ZDHHC19: variants seen among roughly 807,000 people sequenced by gnomAD.
The protein encoded by ZDHHC19 is palmitoyltransferase ZDHHC19.
In ZDHHC19, 30 loss-of-function variants were observed where a neutral mutation model predicts 33.9. The observed-to-expected ratio is 0.88, with a 90% CI of 0.66 to 1.20. ZDHHC19 has a LOEUF of 1.20. Ranked by LOEUF, ZDHHC19 falls within the 50% of genes most tolerant of loss-of-function variation. The pLI, the probability that ZDHHC19 is intolerant of heterozygous loss-of-function variation, is 0.00. For synonymous variants in ZDHHC19, 178 were observed against 167.6 expected (o/e 1.06, Z -0.48); for missense variants, 364 against 401.1 (o/e 0.91, Z 0.79).
chr3:196,201,907 G>A (rs1369912108), intron 5 of ZDHHC19, among the ~76,000 whole-genome samples: 3 of 151,256 alleles, frequency 2.0e-5, no homozygotes, highest in East Asian at 2.0e-4. Flanking sequence ...CCCATTCCCC[G>A]CCAGGGATCA....
intron 5 of ZDHHC19, among the ~76,000 whole-genome samples, chr3:196,204,143 T>C (rs1460224608): frequency 1.3e-5 from 2 of 152,166 alleles, no homozygotes; most frequent in African/African-American, 2.4e-5. Context: ...GGATTTCCTA[T>C]GTAGAATCAA....
intron 5 of ZDHHC19, chr3:196,199,738 G>GT (rs1244017437): frequency 6.5e-6 from 1 of 153,540 alleles, no homozygotes; most frequent in African/African-American, 2.4e-5. Context: ...GAGGTCAGGA[G>GT]TTTGAGACCA....
Position 196,211,229 on chromosome 3 carries a change from G to A in ZDHHC19, c.87C>T (p.Leu29=). 6.2e-7 allele frequency: 1 copy of A among 1,614,174 alleles called. No homozygotes were observed. Among genetic ancestry groups the A allele is most frequent in the Non-Finnish European group, 8.5e-7 (1 of 1,180,018 alleles). ...GCAGCACCACATTGAAGGCAGCAAA[G>A]AGGCTAGGGAGGAACCAGGGACGTG... ...LVPRPWFLPS[L]FAAFNVVLLV... The change falls in exon 1 of 8, where the codon CTC becomes CTT. Residue 29 remains leucine, a synonymous_variant. Coordinates refer to ENST00000296326, the MANE Select transcript of ZDHHC19 (RefSeq NM_001039617.2).
At position 196,203,023 on chromosome 3, in the gene ZDHHC19, G is replaced by C. The variant is rs1427685965; in HGVS notation, c.688-4149C>G. ...GCCTGTAATCCCAGCACTTTGGGAG[G>C]CCGAGGCGAGTGGCTCACCTGAGGT... is the stretch of plus-strand genomic sequence containing the variant. On this transcript the variant is annotated intron_variant, in intron 5 of 7. Transcript: ENST00000296326. The surrounding 1 kb of genome is among the most constrained non-coding windows in gnomAD (Gnocchi z 4.3). Among the ~76,000 whole-genome samples the C allele has an allele frequency of 2.0e-5, 3 of 152,148 alleles. No homozygotes were observed. Among genetic ancestry groups the C allele is most frequent in the African/African-American group, 7.2e-5 (3 of 41,418 alleles).
At chr3:196,200,378 G>A (rs1442479339) in intron 5 of ZDHHC19, among the ~76,000 whole-genome samples, 1 of 127,990 alleles carries the variant, frequency 7.8e-6, no homozygotes, top group Non-Finnish European at 1.6e-5. Flanking sequence ...TTTTTGAGAT[G>A]GAGTCTTGCT....
rs905427007 is a variant in ZDHHC19 at position 196,208,178 on chromosome 3, C to T, written c.581+210G>A. On this transcript the variant is annotated intron_variant, in intron 4 of 7. Transcript: ENST00000296326. The stretch of plus-strand genomic sequence containing the variant: ...CCTCCCAAAGTGCCGGAATTACAGG[C>T]GTGAGCCACCGCGCCGGCCCGGGGG... Among the ~76,000 whole-genome samples, 163 of 152,166 alleles carry T rather than the reference C, an allele frequency of 1.1e-3. 1 individual carries two copies. The highest frequency in any genetic ancestry group is 1.7e-3 in the Admixed American group (26 of 15,298).
chr3:196,210,422 G>GAAAA (rs1723185488), intron 2 of ZDHHC19, among the ~76,000 whole-genome samples, 194 bp downstream of exon 2: 1 of 59,238 alleles, frequency 1.7e-5, no homozygotes, highest in Non-Finnish European at 3.1e-5. Flanking sequence ...AGGAAGGAAG[G>GAAAA]AAAGAAAGAA....
intron 2 of ZDHHC19, among the ~76,000 whole-genome samples, chr3:196,210,229 G>C: frequency 7.5e-6 from 1 of 133,236 alleles, no homozygotes; most frequent in African/African-American, 3.1e-5. Context: ...AAGAAGAAAG[G>C]AAAGAAGGAA....
In ZDHHC19 at chr3:196,203,064, AGCCTGGCCAACAT is replaced by A. The variant is rs1722485968; in HGVS notation, c.688-4203_688-4191del. Among the ~76,000 whole-genome samples the A allele has an allele frequency of 6.6e-6, 1 of 152,086 alleles. No individual in the cohort carries two copies. Among genetic ancestry groups the A allele is most frequent in the African/African-American group, 2.4e-5 (1 of 41,404 alleles). Reference sequence around the variant, plus strand: ...CACCTGAGGTCAGGAGTTCGAGACCAGCCTGGCCAACATGGTGAAACCCCGTCTCTACTAAAAA... The same window carrying A: ...CACCTGAGGTCAGGAGTTCGAGACCAGGTGAAACCCCGTCTCTACTAAAAA... On this transcript the variant is annotated intron_variant, in intron 5 of 7. Transcript: ENST00000296326. The surrounding 1 kb of genome is among the most constrained non-coding windows in gnomAD (Gnocchi z 4.3).
chr3:196,210,297 GGAAA>G (rs1423632184), intron 2 of ZDHHC19, among the ~76,000 whole-genome samples: 1 of 116,062 alleles, frequency 8.6e-6, no homozygotes, highest in African/African-American at 4.2e-5. Flanking sequence ...AAGGAAGGAA[GGAAA>G]GAGAGAGGAA....
chr3:196,205,436 TGATAAGGACAGAGGACA>T (rs901227455), intron 5 of ZDHHC19, among the ~76,000 whole-genome samples: 19 of 152,148 alleles, frequency 1.2e-4, no homozygotes, highest in African/African-American at 4.1e-4. Context: ...AAAAGGAAAG[TGATAAGGACAGAGGACA>T]GATCAGTGGT....
chr3:196,198,895 G>T (rs544846159), intron 5 of ZDHHC19, 21 bp from the exon 6 acceptor site: 1 of 1,611,198 alleles, frequency 6.2e-7, no homozygotes, highest in African/African-American at 1.3e-5. Context: ...ATGGAAACCG[G>T]AAGAGGAGCT....
intron 5 of ZDHHC19, among the ~76,000 whole-genome samples, chr3:196,201,918 G>A (rs1185702454): frequency 1.3e-5 from 2 of 152,076 alleles, no homozygotes; most frequent in Non-Finnish European, 2.9e-5. Flanking sequence ...CCAGGGATCA[G>A]GGCATCTGGC....
chr3:196,206,574 A>G (rs578141803), intron 5 of ZDHHC19, among the ~76,000 whole-genome samples: 1 of 152,230 alleles, frequency 6.6e-6, no homozygotes, highest in South Asian at 2.1e-4. Context: ...GCTGGTCTCA[A>G]ACTCCGGGGC....
chr3:196,204,880 G>A (rs1017110586), intron 5 of ZDHHC19, among the ~76,000 whole-genome samples: 4 of 152,218 alleles, frequency 2.6e-5, no homozygotes, highest in Non-Finnish European at 5.9e-5. Flanking sequence ...GCTGAGGCAG[G>A]CAGATCACTT....
chr3:196,204,481 G>C (rs1031637348), intron 5 of ZDHHC19, among the ~76,000 whole-genome samples: 1 of 152,190 alleles, frequency 6.6e-6, no homozygotes, highest in Non-Finnish European at 1.5e-5. Context: ...TGAAATTCCA[G>C]TGAAAATCCT....
chr3:196,200,740 C>CT (rs1462742947), intron 5 of ZDHHC19, among the ~76,000 whole-genome samples: 1 of 150,100 alleles, frequency 6.7e-6, no homozygotes, highest in Non-Finnish European at 1.5e-5. Context: ...ATTCAAACTC[C>CT]TGGGCTCAAG....
intron 5 of ZDHHC19, among the ~76,000 whole-genome samples, chr3:196,202,973 G>A (rs1220985683): frequency 6.6e-6 from 1 of 152,042 alleles, no homozygotes; most frequent in Non-Finnish European, 1.5e-5. Context: ...TGATGAAAAT[G>A]AATGGTGCCA....
At chr3:196,208,943 C>T (rs1419539754) in intron 3 of ZDHHC19, 1 of 279,634 alleles carries the variant, frequency 3.6e-6, no homozygotes, top group Non-Finnish European at 6.8e-6. Context: ...CACTTGTAAA[C>T]CTATGCAAGC....
Sources: allele counts gnomAD v4.1 joint callset (sites outside exome capture counted in the v4.1 genomes callset), GRCh38; gene constraint gnomAD v4.1.1; non-coding constraint Gnocchi (gnomAD v3.1); transcripts MANE v1.5; gene names NCBI Gene and HGNC (gene_info 2026-07-23, HGNC 2026-07-21).